PABPC4L: variants seen among roughly 807,000 people sequenced by gnomAD.
The protein encoded by PABPC4L is polyadenylate-binding protein 4-like.
For missense variants in PABPC4L, 452 were observed against 451.4 expected (o/e 1.00, Z -0.01); for synonymous variants, 169 against 164.1 (o/e 1.03, Z -0.23).
the PABPC4L span, among the ~76,000 whole-genome samples, chr4:134,190,897 C>T: frequency 1.5e-4 from 23 of 152,080 alleles, no homozygotes; most frequent in Non-Finnish European, 3.1e-4. Context: ...GGTAATCTGC[C>T]CACCTCGGCC....
At chr4:134,018,183 C>T in the PABPC4L span, among the ~76,000 whole-genome samples, 1 of 151,954 alleles carries the variant, frequency 6.6e-6, no homozygotes, top group Non-Finnish European at 1.5e-5. Flanking sequence ...CACCTTGTGA[C>T]CCCCACTCCT....
the PABPC4L span, among the ~76,000 whole-genome samples, chr4:134,185,678 T>A: frequency 2.6e-5 from 4 of 152,140 alleles, no homozygotes; most frequent in African/African-American, 9.7e-5. Flanking sequence ...TGTTGGAAGT[T>A]CTGGCCAGGG....
At chr4:134,192,150 A>C (rs979463928), downstream of PABPC4L, among the ~76,000 whole-genome samples, 1 of 152,144 alleles carries the variant, frequency 6.6e-6, no homozygotes, top group Non-Finnish European at 1.5e-5. Context: ...AATAAACAAA[A>C]TGTGGTGTAT....
the PABPC4L span, among the ~76,000 whole-genome samples, chr4:134,004,169 T>C: frequency 1.3e-5 from 2 of 151,628 alleles, no homozygotes; most frequent in African/African-American, 4.8e-5. Context: ...CAAGCTTCTC[T>C]ACAGCAAAGG....
the PABPC4L span, among the ~76,000 whole-genome samples, chr4:134,111,266 T>C: frequency 6.6e-6 from 1 of 152,030 alleles, no homozygotes; most frequent in Non-Finnish European, 1.5e-5. Flanking sequence ...AGAGCAGAGC[T>C]CTGATGACTT....
the PABPC4L span, among the ~76,000 whole-genome samples, chr4:134,108,223 A>G: frequency 6.6e-6 from 1 of 151,802 alleles, no homozygotes; most frequent in Non-Finnish European, 1.5e-5. Flanking sequence ...TTGTGATAAC[A>G]TATTATGGCT....
the PABPC4L span, among the ~76,000 whole-genome samples, chr4:133,980,301 T>A: frequency 2.0e-5 from 3 of 152,182 alleles, no homozygotes; most frequent in East Asian, 5.8e-4. Flanking sequence ...TCGTTTTTAT[T>A]TCTCTTATTT....
the PABPC4L span, among the ~76,000 whole-genome samples, chr4:134,146,427 G>C: frequency 2.0e-5 from 3 of 151,792 alleles, no homozygotes; most frequent in East Asian, 5.8e-4. Flanking sequence ...CACTCCCTTA[G>C]TTTGGAGAAT....
At chr4:134,103,334 A>T in the PABPC4L span, among the ~76,000 whole-genome samples, 1 of 151,636 alleles carries the variant, frequency 6.6e-6, no homozygotes, top group African/African-American at 2.4e-5. Context: ...AAAATATCAC[A>T]GACTGGGTGG....
At chr4:134,185,988 A>T in the PABPC4L span, among the ~76,000 whole-genome samples, 1 of 152,204 alleles carries the variant, frequency 6.6e-6, no homozygotes, top group African/African-American at 2.4e-5. Flanking sequence ...AGGGAGGTGA[A>T]GGACCTCTTC....
the PABPC4L span, among the ~76,000 whole-genome samples, chr4:134,068,582 T>C: frequency 1.3e-5 from 2 of 152,184 alleles, no homozygotes; most frequent in East Asian, 3.9e-4. Flanking sequence ...CTGGTTATTA[T>C]GCAGACTGTG....
At chr4:134,009,155 T>C in the PABPC4L span, among the ~76,000 whole-genome samples, 2 of 151,876 alleles carry the variant, frequency 1.3e-5, no homozygotes, top group Admixed American at 6.6e-5. Context: ...GTCACTCTTA[T>C]ATAATAATAA....
chr4:134,054,762 A>G, the PABPC4L span, among the ~76,000 whole-genome samples: 25 of 151,996 alleles, frequency 1.6e-4, no homozygotes, highest in African/African-American at 5.6e-4. Flanking sequence ...CCTGGTATCT[A>G]TGTTCACTTT....
the PABPC4L span, among the ~76,000 whole-genome samples, chr4:134,143,409 A>G: frequency 6.7e-6 from 1 of 150,102 alleles, no homozygotes; most frequent in Non-Finnish European, 1.5e-5. Flanking sequence ...TTATATTCAT[A>G]TATATTATAT....
the PABPC4L span, among the ~76,000 whole-genome samples, chr4:134,166,111 C>T: frequency 6.6e-6 from 1 of 152,048 alleles, no homozygotes; most frequent in Admixed American, 6.6e-5. Context: ...GTACAACGGA[C>T]ACCACAGAGG....
the PABPC4L span, among the ~76,000 whole-genome samples, chr4:134,166,024 A>T: frequency 3.3e-5 from 5 of 152,176 alleles, no homozygotes; most frequent in Non-Finnish European, 2.9e-5. Flanking sequence ...AATAATTCAG[A>T]AATGGAAAAC....
At chr4:133,963,961 A>C in the PABPC4L span, among the ~76,000 whole-genome samples, 2 of 152,266 alleles carry the variant, frequency 1.3e-5, no homozygotes, top group South Asian at 4.1e-4. Flanking sequence ...AGAAGAAAGG[A>C]AATAACCAAG....
At chr4:134,176,678 G>T in the PABPC4L span, among the ~76,000 whole-genome samples, 4 of 152,126 alleles carry the variant, frequency 2.6e-5, no homozygotes, top group African/African-American at 9.6e-5. Flanking sequence ...AAGGCAGCAG[G>T]GGGACACAGA....
chr4:134,036,218 T>C, the PABPC4L span, among the ~76,000 whole-genome samples: 10 of 152,224 alleles, frequency 6.6e-5, no homozygotes, highest in South Asian at 2.1e-3. Context: ...GTAAATAGTA[T>C]ACAATTTTAT....
Sources: allele counts gnomAD v4.1 joint callset (sites outside exome capture counted in the v4.1 genomes callset), GRCh38; gene constraint gnomAD v4.1.1; transcripts MANE v1.5; gene names NCBI Gene and HGNC (gene_info 2026-07-23, HGNC 2026-07-21).